Variants in COL5A2 observed in about 807,000 individuals in gnomAD.
COL5A2 encodes collagen type V alpha 2 chain, also known as collagen alpha-2(V) chain.
A neutral mutation model predicts 208.2 loss-of-function variants in COL5A2; 23 were observed. The ratio of observed to expected loss-of-function variants is 0.11; its 90% CI spans 0.08 to 0.16. The LOEUF (loss-of-function observed/expected upper bound fraction) is 0.16, where lower values mean the gene tolerates loss of function less well. Among genes scored for constraint, COL5A2 ranks in the 10% least tolerant of loss-of-function variants. The probability of loss-of-function intolerance (pLI) is 1.00; values close to 1 mark genes in which losing one functional copy is unlikely to be tolerated. For missense variants in COL5A2, 1,590 were observed against 1,956.4 expected, an observed-to-expected ratio of 0.81 and a Z score of 3.53; for synonymous variants, 625 against 628.5, an observed-to-expected ratio of 0.99 and a Z score of 0.08.
chr2:189,056,747 A>G (rs920696494), intron 35 of COL5A2: 3 of 586,464 alleles, frequency 5.1e-6, no homozygotes, highest in African/African-American at 3.7e-5. Flanking sequence ...TAAGGCACTT[A>G]TCTCATAGGC....
chr2:189,086,794 G>T (rs759943461), intron 8 of COL5A2, 24 bp from the exon 9 acceptor site: 4 of 1,565,514 alleles, frequency 2.6e-6, no homozygotes, highest in Non-Finnish European at 2.6e-6. Flanking sequence ...GAGGAGAAAC[G>T]TTGCAAAGTA....
chr2:189,436,738 A>T, the COL5A2 span, among the ~76,000 whole-genome samples: 1 of 151,878 alleles, frequency 6.6e-6, no homozygotes, highest in Non-Finnish European at 1.5e-5. Context: ...TCCTCAGCAA[A>T]CTAACACTGA....
intron 4 of COL5A2, 30 bp downstream of exon 4, chr2:189,100,077 C>T (rs765872386): frequency 5.1e-6 from 8 of 1,557,806 alleles, no homozygotes; most frequent in Non-Finnish European, 7.1e-6. Flanking sequence ...ATTTAAGGTA[C>T]AAGGAAACAA....
chr2:189,043,720 T>C (rs1685607285), intron 47 of COL5A2, among the ~76,000 whole-genome samples: 1 of 152,220 alleles, frequency 6.6e-6, no homozygotes, highest in Non-Finnish European at 1.5e-5. Context: ...ATAAACTAGC[T>C]GGCTATGACA....
At chr2:189,325,080 C>A in the COL5A2 span, among the ~76,000 whole-genome samples, 20 of 151,866 alleles carry the variant, frequency 1.3e-4, no homozygotes, top group Non-Finnish European at 2.9e-5. Context: ...AAAAATCAAA[C>A]ACTGCGTGTG....
chr2:189,113,308 A>T (rs1687319561), intron 1 of COL5A2, among the ~76,000 whole-genome samples: 1 of 152,132 alleles, frequency 6.6e-6, no homozygotes. Context: ...TTGTGCCTGT[A>T]GCTCCAGCTA....
the COL5A2 span, among the ~76,000 whole-genome samples, chr2:189,399,992 C>T: frequency 4.4e-3 from 663 of 152,312 alleles, 4 homozygotes; most frequent in African/African-American, 0.015. Context: ...TGAGCCACCA[C>T]ACCTGCCCTT....
At chr2:189,393,577 T>C in the COL5A2 span, among the ~76,000 whole-genome samples, 1 of 152,128 alleles carries the variant, frequency 6.6e-6, no homozygotes, top group African/African-American at 2.4e-5. Flanking sequence ...TGAGATGGGT[T>C]TGTGGTTTGA....
upstream of COL5A2, among the ~76,000 whole-genome samples, chr2:189,229,864 T>G (rs1033994556): frequency 6.6e-6 from 1 of 151,696 alleles, no homozygotes; most frequent in African/African-American, 2.4e-5. Flanking sequence ...AGACCCCAAC[T>G]GGCCAAAATA....
the COL5A2 span, among the ~76,000 whole-genome samples, chr2:189,374,549 A>C: frequency 6.6e-6 from 1 of 152,216 alleles, no homozygotes; most frequent in Non-Finnish European, 1.5e-5. Flanking sequence ...ATTGCTTAAA[A>C]AATTATCAAA....
the COL5A2 span, among the ~76,000 whole-genome samples, chr2:189,396,721 T>C: frequency 1.5e-5 from 2 of 135,816 alleles, no homozygotes; most frequent in East Asian, 4.5e-4. Context: ...CGGTGGCTTA[T>C]GCCTGTAATC....
chr2:189,351,224 A>G, the COL5A2 span, among the ~76,000 whole-genome samples: 1 of 152,218 alleles, frequency 6.6e-6, no homozygotes, highest in African/African-American at 2.4e-5. Context: ...TAAGGCCTTA[A>G]CATCTATACA....
intron 11 of COL5A2, among the ~76,000 whole-genome samples, chr2:189,084,405 T>C (rs1686605516): frequency 1.3e-5 from 2 of 152,166 alleles, no homozygotes; most frequent in South Asian, 4.1e-4. Context: ...TGAATTAAAG[T>C]ATTGCTTCTT....
At chr2:189,346,728 C>A in the COL5A2 span, among the ~76,000 whole-genome samples, 4 of 152,138 alleles carry the variant, frequency 2.6e-5, no homozygotes, top group East Asian at 7.7e-4. Context: ...AGTAAAGTCA[C>A]ATAAAGGTAA....
chr2:189,179,684 T>C lies in COL5A2; in HGVS notation c.-80A>G. 1 of 1,546,200 alleles carries C rather than the reference T, an allele frequency of 6.5e-7. No homozygotes were observed. Among genetic ancestry groups the C allele is most frequent in the Non-Finnish European group, 8.7e-7 (1 of 1,147,456 alleles). ...TATTGTAGCACCATGAAGTCAGCTGTGGGCTCTTCTTTCAGCACCAGCCCC... is the reference window on the plus strand; with the variant it reads ...TATTGTAGCACCATGAAGTCAGCTGCGGGCTCTTCTTTCAGCACCAGCCCC... On this transcript the variant is annotated 5_prime_UTR_variant, in exon 1 of 54. Transcript: ENST00000374866.
At chr2:189,076,946 G>A (rs745491540) in intron 16 of COL5A2, among the ~76,000 whole-genome samples, 1 of 152,090 alleles carries the variant, frequency 6.6e-6, no homozygotes, top group Non-Finnish European at 1.5e-5. Context: ...ACGGTGGCAT[G>A]CACCTGTAGT....
chr2:189,330,861 C>T, the COL5A2 span, among the ~76,000 whole-genome samples: 1 of 152,142 alleles, frequency 6.6e-6, no homozygotes, highest in African/African-American at 2.4e-5. Context: ...TCAATTTAAA[C>T]TCTTCTTTGA....
intron 1 of COL5A2, among the ~76,000 whole-genome samples, chr2:189,221,187 C>T (rs1689344219): frequency 6.6e-6 from 1 of 152,112 alleles, no homozygotes; most frequent in African/African-American, 2.4e-5. Flanking sequence ...AATGATAAGG[C>T]AATATTCATA....
At chr2:189,043,682 T>A (rs1415523565) in intron 47 of COL5A2, among the ~76,000 whole-genome samples, 4 of 152,206 alleles carry the variant, frequency 2.6e-5, no homozygotes, top group Admixed American at 6.5e-5. Context: ...TGTGTAACAA[T>A]GAAATGATTT....
Sources: allele counts gnomAD v4.1 joint callset (sites outside exome capture counted in the v4.1 genomes callset), GRCh38; gene constraint gnomAD v4.1.1; transcripts MANE v1.5; gene names NCBI Gene and HGNC (gene_info 2026-07-23, HGNC 2026-07-21).